SEZ6L: variants seen among roughly 807,000 people sequenced by gnomAD.
SEZ6L encodes seizure related 6 homolog like.
SEZ6L carries 37 observed loss-of-function variants against 106.2 expected under a neutral mutation model. That is an observed-to-expected ratio of 0.35 (90% CI 0.27 to 0.46). SEZ6L has a LOEUF of 0.46. Among genes scored for constraint, SEZ6L ranks in the 20% least tolerant of loss-of-function variants. The pLI is 1.00. For synonymous variants in SEZ6L, 541 were observed against 570.4 expected (o/e 0.95, Z 0.73); for missense variants, 1,172 against 1,332.8 (o/e 0.88, Z 1.88).
intron 1 of SEZ6L, among the ~76,000 whole-genome samples, chr22:26,238,911 A>G (rs1477316701): frequency 6.6e-6 from 1 of 152,208 alleles, no homozygotes; most frequent in Non-Finnish European, 1.5e-5. Flanking sequence ...AGCTGCAGAA[A>G]GTCCAGTGTG....
chr22:26,359,066 A>G (rs866885039), intron 12 of SEZ6L, among the ~76,000 whole-genome samples: 7 of 152,202 alleles, frequency 4.6e-5, no homozygotes, highest in Admixed American at 2.6e-4. Flanking sequence ...GACATAAGCA[A>G]CTCACTCAAG....
At chr22:26,363,613 A>G (rs527365498) in intron 12 of SEZ6L, among the ~76,000 whole-genome samples, 27 of 152,340 alleles carry the variant, frequency 1.8e-4, no homozygotes, top group African/African-American at 6.5e-4. Context: ...TCTTGAAGGC[A>G]TGCTTGAGAT....
rs1027043684 is a variant in SEZ6L at position 26,381,848 on chromosome 22, T to A, written c.*1553T>A. 4 of 351,240 alleles carry A rather than the reference T, an allele frequency of 1.1e-5. No individual in the cohort carries two copies. The highest frequency in any genetic ancestry group is 3.7e-5 in the Admixed American group (1 of 27,068). 21.8% of individuals were successfully genotyped at this position (351,240 alleles called of 1,614,324 possible). A position where few individuals can be genotyped will look rare whatever the true frequency, so the allele number is the denominator to read the frequency against. ...ACGGGCACAGTGGCATTTGGAACCC[T>A]CTTTGGTGCCCTCCCATTCTCTCTG... On this transcript the variant is annotated 3_prime_UTR_variant, in exon 17 of 17. Transcript: ENST00000248933.
intron 1 of SEZ6L, among the ~76,000 whole-genome samples, chr22:26,187,405 T>C (rs1252626578): frequency 6.6e-6 from 1 of 152,212 alleles, no homozygotes; most frequent in Non-Finnish European, 1.5e-5. Flanking sequence ...CAAGATGAGA[T>C]TTGGGTGGGG....
chr22:26,189,381 A>G (rs1298886959), intron 1 of SEZ6L, among the ~76,000 whole-genome samples: 1 of 152,198 alleles, frequency 6.6e-6, no homozygotes, highest in Non-Finnish European at 1.5e-5. Flanking sequence ...TTCCTCCCAG[A>G]TTACCATTTT....
At chr22:26,363,620 A>C (rs1365403976) in intron 12 of SEZ6L, among the ~76,000 whole-genome samples, 1 of 152,216 alleles carries the variant, frequency 6.6e-6, no homozygotes, top group Non-Finnish European at 1.5e-5. Context: ...GGCATGCTTG[A>C]GATTCATCGT....
chr22:26,170,525 G>T (rs1938513784), intron 1 of SEZ6L, among the ~76,000 whole-genome samples: 1 of 152,080 alleles, frequency 6.6e-6, no homozygotes, highest in African/African-American at 2.4e-5. Context: ...TTTGTTGAAG[G>T]GGAAGAGGGG....
intron 9 of SEZ6L, among the ~76,000 whole-genome samples, chr22:26,333,628 G>A (rs1260444858): frequency 6.6e-6 from 1 of 152,160 alleles, no homozygotes. Flanking sequence ...CACACACTCA[G>A]CATGGTGCTG....
chr22:26,328,503 C>G (rs1481715162), intron 9 of SEZ6L, among the ~76,000 whole-genome samples: 2 of 152,098 alleles, frequency 1.3e-5, no homozygotes, highest in Non-Finnish European at 2.9e-5. Flanking sequence ...AGGTGAAACA[C>G]CAGGGTAGTT....
At chr22:26,196,140 T>A (rs1940566133) in intron 1 of SEZ6L, among the ~76,000 whole-genome samples, 1 of 152,186 alleles carries the variant, frequency 6.6e-6, no homozygotes, top group South Asian at 2.1e-4. Flanking sequence ...GGTACTGTTC[T>A]CATGATAGTG....
chr22:26,324,617 T>C (rs1263377165), intron 9 of SEZ6L, among the ~76,000 whole-genome samples: 1 of 152,086 alleles, frequency 6.6e-6, no homozygotes, highest in African/African-American at 2.4e-5. Context: ...TTTCCAGATA[T>C]CAGCAAAAAT....
At chr22:26,231,021 G>T (rs2078782258) in intron 1 of SEZ6L, among the ~76,000 whole-genome samples, 1 of 152,188 alleles carries the variant, frequency 6.6e-6, no homozygotes, top group Non-Finnish European at 1.5e-5. Context: ...TCTTGGCTTT[G>T]CCTAGGAAAG....
chr22:26,254,219 G>A (rs901759638), intron 1 of SEZ6L: 1 of 152,206 alleles, frequency 6.6e-6, no homozygotes, highest in African/African-American at 2.4e-5. Context: ...CGGTAAAACT[G>A]TTCATGCCCT....
chr22:26,271,875 C>T (rs1202195695), intron 1 of SEZ6L, among the ~76,000 whole-genome samples: 1 of 152,124 alleles, frequency 6.6e-6, no homozygotes, highest in Non-Finnish European at 1.5e-5. Context: ...TTGTACTATT[C>T]GTAATAATAA....
intron 1 of SEZ6L, among the ~76,000 whole-genome samples, chr22:26,240,857 G>A (rs555459334): frequency 1.3e-5 from 2 of 152,258 alleles, no homozygotes; most frequent in South Asian, 2.1e-4. Flanking sequence ...TGGGAGAAAC[G>A]TGGAGCATGT....
At chr22:26,232,250 C>A (rs1230864356) in intron 1 of SEZ6L, among the ~76,000 whole-genome samples, 1 of 152,018 alleles carries the variant, frequency 6.6e-6, no homozygotes, top group Non-Finnish European at 1.5e-5. Context: ...AAAGGAGTCT[C>A]AGTTTCCCCA....
At chr22:26,193,369 C>A (rs1031327738) in intron 1 of SEZ6L, among the ~76,000 whole-genome samples, 1 of 152,094 alleles carries the variant, frequency 6.6e-6, no homozygotes, top group Non-Finnish European at 1.5e-5. Flanking sequence ...GAAGCATGTT[C>A]CACACAGGGA....
intron 11 of SEZ6L, among the ~76,000 whole-genome samples, chr22:26,348,640 GAAAGAAAAAGAAAGAAAGAA>G (rs2083118858): frequency 3.9e-5 from 1 of 25,790 alleles, no homozygotes; most frequent in South Asian, 1.8e-3. Flanking sequence ...AAGAAAGAAA[GAAAGAAAAAGAAAGAAAGAA>G]AGAAAGAAAG....
intron 9 of SEZ6L, among the ~76,000 whole-genome samples, chr22:26,324,291 T>C (rs1261370292): frequency 6.6e-6 from 1 of 152,068 alleles, no homozygotes; most frequent in Non-Finnish European, 1.5e-5. Flanking sequence ...CTTCCTTTGC[T>C]CCTCTGCAGA....
Sources: gnomAD v4.1 joint callset for allele counts (sites outside exome capture counted in the v4.1 genomes callset) on GRCh38, gnomAD v4.1.1 for gene constraint, MANE v1.5 for transcripts, NCBI Gene and HGNC (gene_info 2026-07-23, HGNC 2026-07-21) for gene names.